PHLPP2: variants seen among roughly 807,000 people sequenced by gnomAD.
PHLPP2 encodes PH domain and leucine rich repeat protein phosphatase 2.
In PHLPP2, 66 loss-of-function variants were observed where a neutral mutation model predicts 124.9. The observed-to-expected ratio is 0.53, with a 90% CI of 0.43 to 0.65. The LOEUF (loss-of-function observed/expected upper bound fraction) is 0.65. Among genes scored for constraint, PHLPP2 ranks in the 30% least tolerant of loss-of-function variants. The pLI, the probability that PHLPP2 is intolerant of heterozygous loss-of-function variation, is 0.00. For missense variants in PHLPP2, 1,685 were observed against 1,600.4 expected, an observed-to-expected ratio of 1.05 and a Z score of -0.90; for synonymous variants, 681 against 624.7, an observed-to-expected ratio of 1.09 and a Z score of -1.34.
At chr16:71,718,707 A>T (rs2045379431) in intron 1 of PHLPP2, among the ~76,000 whole-genome samples, 4 of 152,208 alleles carry the variant, frequency 2.6e-5, no homozygotes, top group Admixed American at 2.6e-4. Context: ...CTCAAAAAAA[A>T]TTAAAATAAA....
chr16:71,701,296 CTATCTATCTATCTATCTATA>C lies in PHLPP2; in HGVS notation c.418+1282_418+1301del, dbSNP rs1250892460. On this transcript the variant is annotated intron_variant, in intron 3 of 18. Transcript: ENST00000568954. ...TCTATCTATCTATCTATCTATCTAT[CTATCTATCTATCTATCTATA>C]TATCTATCTACCTACCTACCTACCT... Among the ~76,000 whole-genome samples the C allele has an allele frequency of 1.1e-3, 101 of 91,692 alleles. 1 individual carries two copies. The highest frequency in any genetic ancestry group is 3.8e-3 in the African/African-American group (88 of 22,984). The allele number at this position is 91,692 out of a possible 152,430, so 60.2% of individuals were successfully genotyped here.
intron 4 of PHLPP2, among the ~76,000 whole-genome samples, chr16:71,685,831 T>C (rs569565670): frequency 6.6e-6 from 1 of 152,374 alleles, no homozygotes; most frequent in South Asian, 2.1e-4. Context: ...TCAACTTCCC[T>C]GAGTATTTTA....
chr16:71,707,589 C>T (rs1231666883), intron 2 of PHLPP2, among the ~76,000 whole-genome samples: 1 of 152,054 alleles, frequency 6.6e-6, no homozygotes, highest in African/African-American at 2.4e-5. Context: ...AATGATTCCC[C>T]AATAAAAACA....
intron 1 of PHLPP2, among the ~76,000 whole-genome samples, chr16:71,715,945 G>A (rs1372632957): frequency 5.3e-5 from 8 of 149,642 alleles, no homozygotes; most frequent in African/African-American, 9.9e-5. Flanking sequence ...GCAGTGAGCC[G>A]AGATTGTGCC....
intron 1 of PHLPP2, among the ~76,000 whole-genome samples, chr16:71,721,671 GAA>G (rs11339364): frequency 1.5e-4 from 22 of 148,764 alleles, no homozygotes; most frequent in Admixed American, 7.3e-4. Context: ...AACTGTTCTT[GAA>G]AAAAAAAAAA....
chr16:71,681,711 GGTTTT>G (rs1342335228), intron 6 of PHLPP2, 35 bp downstream of exon 6: 6 of 1,515,788 alleles, frequency 4.0e-6, no homozygotes, highest in Non-Finnish European at 5.4e-6. Context: ...ATTATGAGTT[GGTTTT>G]AACAGGTTAG....
At chr16:71,668,673 A>C (rs2044863323) in intron 11 of PHLPP2, among the ~76,000 whole-genome samples, 1 of 152,034 alleles carries the variant, frequency 6.6e-6, no homozygotes, top group Non-Finnish European at 1.5e-5. Flanking sequence ...CTGAGGACAG[A>C]GAATCACCTG....
At chr16:71,711,072 G>A (rs1401743333) in intron 2 of PHLPP2, among the ~76,000 whole-genome samples, 1 of 151,732 alleles carries the variant, frequency 6.6e-6, no homozygotes, top group Admixed American at 6.6e-5. Flanking sequence ...GCTCATGCCT[G>A]TAATCCCAGC....
At chr16:71,718,980 C>T (rs936610874) in intron 1 of PHLPP2, among the ~76,000 whole-genome samples, 1 of 152,184 alleles carries the variant, frequency 6.6e-6, no homozygotes, top group Non-Finnish European at 1.5e-5. Context: ...GTGCTTCCTT[C>T]TTCTCAAGAA....
intron 3 of PHLPP2, among the ~76,000 whole-genome samples, chr16:71,692,219 G>A (rs374710748): frequency 4.6e-5 from 7 of 152,030 alleles, no homozygotes; most frequent in South Asian, 4.2e-4. Flanking sequence ...ACAAGCACCC[G>A]CCAACACGCC....
rs758750389 is a variant in PHLPP2, at chr16:71,723,733, C to CCGCTCGCTCGCTCGCT, written c.-7+580_-7+595dup. 3.7e-6 allele frequency: 4 copies of CCGCTCGCTCGCTCGCT among 1,067,134 alleles called. No individual in the cohort carries two copies. The African/African-American group carries it at 6.9e-5, about 18-fold the overall frequency. 66.1% of individuals were successfully genotyped at this position (1,067,134 alleles called of 1,614,324 possible). The stretch of plus-strand genomic sequence containing the variant: ...CTCCCTAGTCCGCTTGCCCGCTCGC[C>CCGCTCGCTCGCTCGCT]CGCTCGCTCGCTCGCTGGTCCATCC... On this transcript the variant is annotated intron_variant, in intron 1 of 18. Coordinates refer to ENST00000568954, the MANE Select transcript of PHLPP2 (RefSeq NM_015020.3).
rs1382278269 is a variant in PHLPP2, at chr16:71,645,746, C to CAATG, written c.*3140_*3143dup. ...TCCGTACACCAGTAAATGAACTCACCAATGTATTGCACACATACACTTCAC... is the reference window on the plus strand; with the variant it reads ...TCCGTACACCAGTAAATGAACTCACCAATGAATGTATTGCACACATACACTTCAC... On this transcript the variant is annotated 3_prime_UTR_variant, in exon 19 of 19. Transcript: ENST00000568954. 1 of 153,238 alleles carries CAATG rather than the reference C, an allele frequency of 6.5e-6. No individual in the cohort carries two copies. Among genetic ancestry groups the CAATG allele is most frequent in the African/African-American group, 2.4e-5 (1 of 41,442 alleles). The allele number at this position is 153,238 out of a possible 1,614,324, so 9.5% of individuals were successfully genotyped here. A position where few individuals can be genotyped will look rare whatever the true frequency, so the allele number is the denominator to read the frequency against.
rs2045336653 is a variant in PHLPP2, at chr16:71,713,430, A to G, written c.284+1082T>C. On this transcript the variant is annotated intron_variant, in intron 2 of 18. Transcript: ENST00000568954. ...GAATTTGACAGTAACTATGAAAATT[A>G]ACAATACTAATATCCTTTGACCCAG... is the stretch of plus-strand genomic sequence containing the variant. Among the ~76,000 whole-genome samples, 3 of 152,204 alleles carry G rather than the reference A, an allele frequency of 2.0e-5. No homozygotes were observed. In the South Asian group the frequency reaches 6.2e-4, roughly 32 times the overall value.
intron 2 of PHLPP2, among the ~76,000 whole-genome samples, chr16:71,706,184 T>G (rs900691353): frequency 6.6e-6 from 1 of 152,262 alleles, no homozygotes; most frequent in Non-Finnish European, 1.5e-5. Flanking sequence ...GTAACAGTTT[T>G]GGTTTGCTTC....
intron 10 of PHLPP2, among the ~76,000 whole-genome samples, chr16:71,671,520 A>G (rs938478604): frequency 2.0e-5 from 3 of 152,090 alleles, no homozygotes; most frequent in Non-Finnish European, 4.4e-5. Context: ...GTGGTTATAA[A>G]TGAATAAAAA....
At chr16:71,693,883 T>C (rs564960151) in intron 3 of PHLPP2, among the ~76,000 whole-genome samples, 2 of 152,302 alleles carry the variant, frequency 1.3e-5, no homozygotes, top group East Asian at 3.9e-4. Context: ...TAGCAAAATA[T>C]ATCATATATG....
chr16:71,719,664 G>A (rs1449686685), intron 1 of PHLPP2, among the ~76,000 whole-genome samples: 4 of 150,054 alleles, frequency 2.7e-5, no homozygotes, highest in Admixed American at 1.3e-4. Context: ...TTGTAACTTC[G>A]TATCTTCTAT....
chr16:71,676,599 T>A lies in PHLPP2; in HGVS notation c.1319A>T (p.His440Leu), dbSNP rs1201032090. The change falls in exon 9 of 19, where the codon CAC becomes CTC. Residue 440 changes from histidine to leucine, a missense_variant. By Grantham distance (99) the His-to-Leu change is moderately conservative. Transcript: ENST00000568954. Reference sequence around the variant, plus strand: ...GTCCCGCAGATCCACGTGGGTGATGTGTTTATTTCCCTCCAGATTTTCAAT... The same window carrying A: ...GTCCCGCAGATCCACGTGGGTGATGAGTTTATTTCCCTCCAGATTTTCAAT... ...MVIENLEGNKHITHVDLRDNR... is the reference protein window; with the variant it reads ...MVIENLEGNKLITHVDLRDNR... 1 of 1,614,072 alleles carries A rather than the reference T, an allele frequency of 6.2e-7. No homozygotes were observed. Among genetic ancestry groups the A allele is most frequent in the East Asian group, 2.2e-5 (1 of 44,886 alleles).
chr16:71,724,037 G>C (rs2045417991), intron 1 of PHLPP2: 1 of 173,290 alleles, frequency 5.8e-6, no homozygotes, highest in African/African-American at 2.4e-5. Context: ...AGCAGCTGCC[G>C]GCGCCGAGTG....
Sources: allele counts gnomAD v4.1 joint callset (sites outside exome capture counted in the v4.1 genomes callset), GRCh38; gene constraint gnomAD v4.1.1; transcripts MANE v1.5; gene names NCBI Gene and HGNC (gene_info 2026-07-23, HGNC 2026-07-21).